CACNA1C: variants seen among roughly 807,000 people sequenced by gnomAD.
The protein encoded by CACNA1C is voltage-dependent L-type calcium channel subunit alpha-1C.
In CACNA1C, 30 loss-of-function variants were observed where a neutral mutation model predicts 229.0. That is an observed-to-expected ratio of 0.13 (90% CI 0.10 to 0.18). The LOEUF is 0.18. Among genes scored for constraint, CACNA1C ranks in the 10% least tolerant of loss-of-function variants. The pLI is 1.00. For synonymous variants in CACNA1C, 1,114 were observed against 1,132.5 expected (o/e 0.98, Z 0.33); for missense variants, 1,658 against 2,845.0 (o/e 0.58, Z 9.49).
At chr12:2,477,097 AC>A (rs2099633801) in intron 5 of CACNA1C, among the ~76,000 whole-genome samples, 1 of 152,204 alleles carries the variant, frequency 6.6e-6, no homozygotes, top group South Asian at 2.1e-4. Flanking sequence ...AGTGTCTGTT[AC>A]TTCATCAGCC....
intron 21 of CACNA1C, among the ~76,000 whole-genome samples, chr12:2,599,886 TC>T (rs1026060240): frequency 2.6e-5 from 4 of 152,146 alleles, no homozygotes; most frequent in Non-Finnish European, 5.9e-5. Flanking sequence ...GGATGCATGT[TC>T]CCACCGCCCC....
At chr12:2,648,624 G>A in intron 31 of CACNA1C, 117 bp downstream of exon 31, 1 of 840,352 alleles carries the variant, frequency 1.2e-6, no homozygotes, top group Non-Finnish European at 2.0e-6. Flanking sequence ...CACTGCATGT[G>A]GCCACTGTGT....
At chr12:2,199,645 C>G (rs1055945905) in intron 3 of CACNA1C, among the ~76,000 whole-genome samples, 7 of 152,058 alleles carry the variant, frequency 4.6e-5, no homozygotes, top group African/African-American at 1.7e-4. Flanking sequence ...CGCCCCCAGT[C>G]CCCACATTGT....
At chr12:2,243,654 T>G (rs1247380190) in intron 3 of CACNA1C, among the ~76,000 whole-genome samples, 1 of 152,216 alleles carries the variant, frequency 6.6e-6, no homozygotes, top group Non-Finnish European at 1.5e-5. Flanking sequence ...TTTCTTTACC[T>G]ATATAATGGG....
chr12:2,530,531 G>T (rs540964357), intron 9 of CACNA1C, among the ~76,000 whole-genome samples: 1 of 152,288 alleles, frequency 6.6e-6, no homozygotes, highest in South Asian at 2.1e-4. Flanking sequence ...AGGCCAGAAG[G>T]ACCATGATGG....
intron 1 of CACNA1C, among the ~76,000 whole-genome samples, chr12:2,104,921 G>T (rs1018215318): frequency 6.6e-6 from 1 of 152,196 alleles, no homozygotes; most frequent in Non-Finnish European, 1.5e-5. Context: ...GTTGAAGGCC[G>T]TGGCTTAGCT....
chr12:2,542,168 C>T (rs2099872155), intron 9 of CACNA1C, among the ~76,000 whole-genome samples: 1 of 152,166 alleles, frequency 6.6e-6, no homozygotes, highest in East Asian at 1.9e-4. Context: ...TAAAGTGGTT[C>T]TGACTCTCAA....
At chr12:2,012,457 T>C (rs985524195) in intron 1 of CACNA1C, among the ~76,000 whole-genome samples, 10 of 152,190 alleles carry the variant, frequency 6.6e-5, no homozygotes, top group African/African-American at 2.4e-4. Context: ...ACAGAGACCA[T>C]GTGATCTGCA....
chr12:2,373,343 A>G (rs1356915915), intron 3 of CACNA1C, among the ~76,000 whole-genome samples: 2 of 152,162 alleles, frequency 1.3e-5, no homozygotes, highest in Non-Finnish European at 2.9e-5. Context: ...CCTGGCACCT[A>G]CATTCTCATG....
intron 11 of CACNA1C, among the ~76,000 whole-genome samples, chr12:2,559,307 G>A (rs1047366898): frequency 1.3e-4 from 20 of 152,228 alleles, no homozygotes; most frequent in Admixed American, 2.6e-4. Context: ...AATATGATCT[G>A]GAGGATGGAA....
intron 1 of CACNA1C, among the ~76,000 whole-genome samples, chr12:2,110,824 T>A (rs1045166690): frequency 1.3e-5 from 2 of 152,216 alleles, no homozygotes; most frequent in African/African-American, 2.4e-5. Context: ...ACAGTGTTGC[T>A]ACAGACTGGT....
In CACNA1C at chr12:2,069,820, T is replaced by C. The variant is rs558095717; in HGVS notation, c.49+16209T>C. Among the ~76,000 whole-genome samples the C allele has an allele frequency of 6.6e-5, 10 of 152,272 alleles. No homozygotes were observed. In the South Asian group the frequency reaches 2.1e-3, roughly 32 times the overall value. ...TAGACTCAAATGCTTAAAGAGTCTT[T>C]TCTTTTCTTTTTTTCTTGAGACGGC... On this transcript the variant is annotated intron_variant, in intron 1 of 46. Transcript: ENST00000399655.
chr12:2,600,604 C>G (rs146606468), intron 21 of CACNA1C, among the ~76,000 whole-genome samples: 1 of 152,312 alleles, frequency 6.6e-6, no homozygotes, highest in East Asian at 1.9e-4. Context: ...TTACGCAAGT[C>G]GGCAAAATGA....
intron 34 of CACNA1C, among the ~76,000 whole-genome samples, chr12:2,659,241 T>A (rs536489823): frequency 3.0e-4 from 45 of 152,324 alleles, no homozygotes; most frequent in Non-Finnish European, 4.7e-4. Flanking sequence ...ATTTAAATAT[T>A]TTTTACTGTT....
chr12:2,375,457 A>G (rs1202593600), intron 3 of CACNA1C, among the ~76,000 whole-genome samples: 1 of 152,152 alleles, frequency 6.6e-6, no homozygotes, highest in Non-Finnish European at 1.5e-5. Context: ...AGTACTCTTA[A>G]GTCTTAGCTC....
At chr12:2,546,031 T>C (rs1301240735) in intron 9 of CACNA1C, among the ~76,000 whole-genome samples, 2 of 152,262 alleles carry the variant, frequency 1.3e-5, no homozygotes, top group Non-Finnish European at 2.9e-5. Flanking sequence ...GTGCAGTGGC[T>C]GGTGTCTTCA....
At chr12:2,102,334 T>C (rs1304370830) in intron 1 of CACNA1C, among the ~76,000 whole-genome samples, 1 of 152,134 alleles carries the variant, frequency 6.6e-6, no homozygotes, top group Non-Finnish European at 1.5e-5. Context: ...TGTTTCCTGC[T>C]CTCAAGGAGC....
At chr12:2,279,102 A>G (rs1330238939) in intron 3 of CACNA1C, among the ~76,000 whole-genome samples, 1 of 152,128 alleles carries the variant, frequency 6.6e-6, no homozygotes, top group African/African-American at 2.4e-5. Flanking sequence ...TTATTGCATT[A>G]TGAGGTTTCT....
At chr12:2,617,300 C>T (rs1014262357) in intron 29 of CACNA1C, among the ~76,000 whole-genome samples, 5 of 152,208 alleles carry the variant, frequency 3.3e-5, no homozygotes, top group African/African-American at 4.8e-5. Context: ...CTGGCTCTCT[C>T]TTGGGGCCAC....
Sources: allele counts gnomAD v4.1 joint callset (sites outside exome capture counted in the v4.1 genomes callset), GRCh38; gene constraint gnomAD v4.1.1; transcripts MANE v1.5; gene names NCBI Gene and HGNC (gene_info 2026-07-23, HGNC 2026-07-21).